The following IFT27 variants were observed in gnomAD, a reference collection of about 807,000 sequenced individuals.
IFT27 encodes intraflagellar transport 27.
IFT27 carries 19 observed loss-of-function variants against 23.9 expected under a neutral mutation model. The observed-to-expected ratio is 0.79, with a 90% CI of 0.55 to 1.16. The LOEUF is 1.16. Ranked by LOEUF, IFT27 falls within the 50% of genes most tolerant of loss-of-function variation. IFT27 has a pLI of 0.00. For missense variants in IFT27, 206 were observed against 228.7 expected (o/e 0.90, Z 0.64); for synonymous variants, 91 against 89.1 (o/e 1.02, Z -0.12).
intron 2 of IFT27, among the ~76,000 whole-genome samples, 178 bp from the exon 3 acceptor site, chr22:36,767,543 T>A (rs1056441005): frequency 3.3e-5 from 5 of 152,140 alleles, no homozygotes; most frequent in African/African-American, 1.2e-4. Context: ...CAACTAGTCC[T>A]CTCCACCTCC....
At chr22:36,770,138 C>T (rs1034131261) in intron 1 of IFT27, among the ~76,000 whole-genome samples, 4 of 152,150 alleles carry the variant, frequency 2.6e-5, no homozygotes, top group African/African-American at 4.8e-5. Context: ...GGCCTGGGGG[C>T]GACAGCAGGC....
intron 6 of IFT27, 22 bp downstream of exon 6, chr22:36,762,882 C>A (rs779217223): frequency 6.7e-7 from 1 of 1,502,394 alleles, no homozygotes; most frequent in East Asian, 2.4e-5. Flanking sequence ...GACTTGGCGA[C>A]GAGGCAAGTG....
At chr22:36,772,838 AT>A in intron 1 of IFT27, 3 of 944,158 alleles carry the variant, frequency 3.2e-6, no homozygotes, top group Non-Finnish European at 3.8e-6. Flanking sequence ...GGATGGAAAA[AT>A]AAAACCAATG....
chr22:36,775,780 G>C lies in IFT27; in HGVS notation c.-73C>G, dbSNP rs966908882. On this transcript the variant is annotated 5_prime_UTR_variant, in exon 1 of 7. Transcript: ENST00000433985. ...CTAGAGACGCGAGTGGGTGGGCTTC[G>C]GGCCCTGGGCTGGCCTGGGACGGGA... 13 of 1,498,386 alleles carry C rather than the reference G, an allele frequency of 8.7e-6. No homozygotes were observed. Among genetic ancestry groups the C allele is most frequent in the Admixed American group, 6.7e-5 (4 of 59,832 alleles). 92.8% of individuals were successfully genotyped at this position (1,498,386 alleles called of 1,614,324 possible). A position where few individuals can be genotyped will look rare whatever the true frequency, so the allele number is the denominator to read the frequency against.
intron 1 of IFT27, among the ~76,000 whole-genome samples, chr22:36,773,457 GCC>G (rs1336868834): frequency 2.0e-5 from 3 of 152,016 alleles, no homozygotes; most frequent in Non-Finnish European, 4.4e-5. Context: ...TTCAAGACCA[GCC>G]TGGCTAACAT....
chr22:36,758,477 T>A, intron 6 of IFT27, 68 bp from the exon 7 acceptor site: 1 of 1,193,196 alleles, frequency 8.4e-7, no homozygotes, highest in Non-Finnish European at 1.3e-6. Context: ...TCTCACTCAA[T>A]GCTTCCCTCA....
chr22:36,771,113 C>T (rs571379313), intron 1 of IFT27, among the ~76,000 whole-genome samples: 3 of 152,268 alleles, frequency 2.0e-5, no homozygotes, highest in East Asian at 1.9e-4. Context: ...GAGGAAACAG[C>T]GCCAGCGGGC....
intron 1 of IFT27, among the ~76,000 whole-genome samples, chr22:36,774,825 A>G (rs535024430): frequency 2.7e-5 from 4 of 146,318 alleles, no homozygotes; most frequent in East Asian, 3.9e-4. Context: ...AAAAAAAAAA[A>G]AAAAGAAAAA....
chr22:36,774,556 C>G (rs1430280940), intron 1 of IFT27, among the ~76,000 whole-genome samples: 1 of 152,170 alleles, frequency 6.6e-6, no homozygotes, highest in East Asian at 1.9e-4. Flanking sequence ...GCCTGTAATC[C>G]CAGCACTTTG....
chr22:36,763,791 C>T (rs535225463), intron 5 of IFT27, 128 bp downstream of exon 5: 33 of 745,000 alleles, frequency 4.4e-5, no homozygotes, highest in Admixed American at 2.2e-4. Context: ...GGCCAGTGTA[C>T]GCCTTAGGCC....
In IFT27 at chr22:36,775,895, TATCGGGCGCTG is replaced by T. The variant is rs1433688273; in HGVS notation, c.-199_-189del. On this transcript the variant is annotated 5_prime_UTR_variant, in exon 1 of 7. Transcript: ENST00000433985. ...CCGGCCCTTCTGGGCCGGGGGCGGA[TATCGGGCGCTG>T]GGGGCGGGTGGGCAGGGGAGGGCTC... is the stretch of plus-strand genomic sequence containing the variant. 1 of 172,546 alleles carries T rather than the reference TATCGGGCGCTG, an allele frequency of 5.8e-6. No homozygotes were observed. The highest frequency in any genetic ancestry group is 1.5e-4 in the East Asian group (1 of 6,494). 10.7% of individuals were successfully genotyped at this position (172,546 alleles called of 1,614,324 possible). A position where few individuals can be genotyped will look rare whatever the true frequency, so the allele number is the denominator to read the frequency against.
chr22:36,766,048 G>T, intron 4 of IFT27, 90 bp downstream of exon 4: 1 of 1,027,988 alleles, frequency 9.7e-7, no homozygotes, highest in Non-Finnish European at 1.6e-6. Context: ...CAACAGCACA[G>T]TGCAGGGAAA....
chr22:36,763,732 G>A (rs1601494208), intron 5 of IFT27, 187 bp downstream of exon 5: 1 of 682,090 alleles, frequency 1.5e-6, no homozygotes, highest in Non-Finnish European at 2.7e-6. Flanking sequence ...TAGACTGGGA[G>A]AGGTGTGTGT....
intron 3 of IFT27, 152 bp downstream of exon 3, chr22:36,767,154 C>T (rs184276679): frequency 2.4e-5 from 14 of 591,634 alleles, no homozygotes; most frequent in African/African-American, 1.3e-4. Context: ...CAGTCCCTCC[C>T]TTGAATGCTT....
chr22:36,772,358 G>T, intron 1 of IFT27: 1 of 300,612 alleles, frequency 3.3e-6, no homozygotes, highest in Non-Finnish European at 4.9e-6. Context: ...CTGTGCCTCA[G>T]CTGCAACATG....
intron 3 of IFT27, 153 bp downstream of exon 3, chr22:36,767,153 C>A: frequency 1.7e-6 from 1 of 586,396 alleles, no homozygotes; most frequent in Non-Finnish European, 3.1e-6. Context: ...TCAGTCCCTC[C>A]CTTGAATGCT....
chr22:36,758,337 CCTT>C lies in IFT27; in HGVS notation c.532_534del (p.Lys178del). 1 of 1,614,184 alleles carries C rather than the reference CCTT, an allele frequency of 6.2e-7. No individual in the cohort carries two copies. The highest frequency in any genetic ancestry group is 1.1e-5 in the South Asian group (1 of 91,086). The stretch of plus-strand genomic sequence containing the variant: ...CATGCCAGGGCCCGGAAAACCTCCA[CCTT>C]CTCCCGGTACAGCTGGTGGAACTGC... On this transcript the variant is annotated inframe_deletion, in exon 7 of 7. Coordinates refer to ENST00000433985, the MANE Select transcript of IFT27 (RefSeq NM_001177701.3).
intron 5 of IFT27, 120 bp from the exon 6 acceptor site, chr22:36,763,133 G>T: frequency 1.7e-6 from 1 of 599,570 alleles, no homozygotes; most frequent in Non-Finnish European, 2.7e-6. Flanking sequence ...TGCCTGACTC[G>T]AGGTGGTGAG....
At chr22:36,763,833 C>A (rs1312334514) in intron 5 of IFT27, 86 bp downstream of exon 5, 3 of 999,770 alleles carry the variant, frequency 3.0e-6, no homozygotes, top group Non-Finnish European at 4.8e-6. Flanking sequence ...CCCTTCTCCA[C>A]CCACAGCTAC....
Sources: allele counts gnomAD v4.1 joint callset (sites outside exome capture counted in the v4.1 genomes callset), GRCh38; gene constraint gnomAD v4.1.1; transcripts MANE v1.5; gene names NCBI Gene and HGNC (gene_info 2026-07-23, HGNC 2026-07-21).